The following PPOX variants were observed in gnomAD, a reference collection of about 807,000 sequenced individuals.
The protein encoded by PPOX is variegate porphyria.
In PPOX, 23 loss-of-function variants were observed where a neutral mutation model predicts 54.1. The ratio of observed to expected loss-of-function variants is 0.43; its 90% confidence interval spans 0.31 to 0.60. The LOEUF (loss-of-function observed/expected upper bound fraction) is 0.60. PPOX is among the 20% of genes least tolerant of loss of function. PPOX has a pLI of 0.13. For missense variants in PPOX, 512 were observed against 601.1 expected (o/e 0.85, Z 1.55); for synonymous variants, 224 against 236.1 (o/e 0.95, Z 0.47).
At chr1:161,175,732 A>T, downstream of PPOX, 1 of 1,569,656 alleles carries the variant, frequency 6.4e-7, no homozygotes, top group Non-Finnish European at 8.7e-7. Context: ...CTGCCACTCC[A>T]TGCCTCCCTA....
chr1:161,166,377 A>G (rs1484080680), upstream of PPOX: 6 of 1,051,550 alleles, frequency 5.7e-6, no homozygotes, highest in African/African-American at 1.7e-5. Context: ...AGTCCCGCCA[A>G]TCCAGATGTA....
At chr1:161,172,435 C>T, downstream of PPOX, 1 of 968,452 alleles carries the variant, frequency 1.0e-6, no homozygotes, top group East Asian at 2.7e-5. Flanking sequence ...ACTTAGTAGG[C>T]AAAAGAAAAA....
downstream of PPOX, chr1:161,174,094 C>T (rs372321990): frequency 6.0e-5 from 96 of 1,586,876 alleles, no homozygotes; most frequent in Non-Finnish European, 7.1e-5. Context: ...GTAGGTGGCA[C>T]GGAGAAAAGG....
Position 161,167,459 on chromosome 1 carries a change from C to A in PPOX, c.311C>A (p.Ala104Asp). The change falls in exon 4 of 13, where the codon GCC (alanine) becomes GAC (aspartate). Residue 104 changes from alanine (A) to aspartate (D), a missense_variant. Physicochemically the swap from Ala to Asp is moderately radical, Grantham distance 126. Transcript: ENST00000367999. ...AACAGGTTCCTCTACGTGGGCGGTG[C>A]CCTGCATGCCCTACCCACTGGCCTC... ...AQNRFLYVGG[A>D]LHALPTGLRG... is the part of the protein sequence containing the mutation. 3.1e-6 allele frequency: 5 copies of A among 1,612,700 alleles called. No individual in the cohort carries two copies. The highest frequency in any genetic ancestry group is 4.2e-6 in the Non-Finnish European group (5 of 1,179,976).
downstream of PPOX, chr1:161,172,291 A>T (rs770627750): frequency 6.2e-7 from 1 of 1,613,968 alleles, no homozygotes; most frequent in Non-Finnish European, 8.5e-7. Context: ...TGTCCTACAG[A>T]TGTGGGGGGC....
In PPOX at chr1:161,169,934, T is replaced by C; in HGVS notation, c.897T>C (p.Ala299=). 1 of 1,614,210 alleles carries C rather than the reference T, an allele frequency of 6.2e-7. No homozygotes were observed. Reference sequence around the variant, plus strand: ...TCAGTGAGCTGCTCCCTGCTGAGGCTGCCCCTCTGGCTCGTGCCCTGAGTG... The same window carrying C: ...TCAGTGAGCTGCTCCCTGCTGAGGCCGCCCCTCTGGCTCGTGCCCTGAGTG... ...SVLSELLPAE[A]APLARALSAI... The change falls in exon 9 of 13, where the codon GCT becomes GCC. Residue 299 remains alanine (A), a synonymous_variant. Transcript: ENST00000367999.
downstream of PPOX, chr1:161,175,118 G>A (rs202068319): frequency 7.4e-6 from 12 of 1,613,860 alleles, no homozygotes; most frequent in African/African-American, 4.0e-5. Context: ...GTTCGGGAGC[G>A]GGGCTCACAA....
At position 161,169,992 on chromosome 1, in the gene PPOX, C is replaced by T; in HGVS notation, c.955C>T (p.Leu319=). The change falls in exon 9 of 13, where the codon CTG becomes TTG. Residue 319 remains leucine (L), a synonymous_variant. Transcript: ENST00000367999. ...TGCAGTGTCTGTAGCTGTGGTGAATCTGCAGTACCAAGGAGCCCATCTGCC... is the reference window on the plus strand; with the variant it reads ...TGCAGTGTCTGTAGCTGTGGTGAATTTGCAGTACCAAGGAGCCCATCTGCC... ...ITAVSVAVVN[L]QYQGAHLPVQ... The T allele has an allele frequency of 6.2e-7, 1 of 1,614,106 alleles. No individual in the cohort carries two copies. Among genetic ancestry groups the T allele is most frequent in the Non-Finnish European group, 8.5e-7 (1 of 1,180,008 alleles).
intron 6 of PPOX, 37 bp downstream of exon 6, chr1:161,168,613 G>A: frequency 6.2e-7 from 1 of 1,608,042 alleles, no homozygotes; most frequent in Non-Finnish European, 8.5e-7. Flanking sequence ...AAAATATTAA[G>A]TACTGCCAAA....
chr1:161,175,162 C>T (rs200438776), downstream of PPOX: 6 of 1,613,746 alleles, frequency 3.7e-6, no homozygotes, highest in Admixed American at 1.7e-5. Flanking sequence ...TGGTTCTACC[C>T]GGGGATTCCG....
Position 161,167,088 on chromosome 1 carries a change from T to C in PPOX, c.88-12T>C. 1.2e-6 allele frequency: 2 copies of C among 1,614,140 alleles called. No individual in the cohort carries two copies. The highest frequency in any genetic ancestry group is 1.1e-5 in the South Asian group (1 of 91,084). ...CAGGCGGTGCTGCAGTGTCTCTCCCTCTTGTCGCCAGGTGGTCCTAGTGGA... is the reference window on the plus strand; with the variant it reads ...CAGGCGGTGCTGCAGTGTCTCTCCCCCTTGTCGCCAGGTGGTCCTAGTGGA... On this transcript the variant is annotated splice_polypyrimidine_tract_variant and intron_variant, in intron 2 of 12. Transcript: ENST00000367999.
At chr1:161,176,091 G>T, downstream of PPOX, 1 of 1,610,820 alleles carries the variant, frequency 6.2e-7, no homozygotes, top group Non-Finnish European at 8.5e-7. Flanking sequence ...AGGGAGAGGG[G>T]AATTCTGGGG....
At chr1:161,168,967 A>G (rs773080444) in intron 6 of PPOX, 26 bp from the exon 7 acceptor site, 11 of 1,612,472 alleles carry the variant, frequency 6.8e-6, no homozygotes, top group Admixed American at 1.7e-5. Context: ...TCCAGCCTCA[A>G]TGATTCTTCT....
rs1286078129 is a variant in PPOX, at chr1:161,166,874, C to T, written c.27C>T (p.Gly9=). The change falls in exon 2 of 13, where the codon GGC becomes GGT. Residue 9 remains glycine, a synonymous_variant. Coordinates refer to ENST00000367999, the MANE Select transcript of PPOX (RefSeq NM_001122764.3). ...TGGGCCGGACCGTGGTCGTGCTGGG[C>T]GGAGGCATCAGCGGCTTGGCCGCCA... The part of the protein sequence containing the change: MGRTVVVL[G]GGISGLAASY... 1 of 1,613,838 alleles carries T rather than the reference C, an allele frequency of 6.2e-7. No individual in the cohort carries two copies. Among genetic ancestry groups the T allele is most frequent in the Non-Finnish European group, 8.5e-7 (1 of 1,180,036 alleles).
Position 161,166,870 on chromosome 1 carries a change from T to A in PPOX, c.23T>A (p.Leu8Gln), listed in dbSNP as rs1659110959. 6.2e-7 allele frequency: 1 copy of A among 1,613,876 alleles called. No homozygotes were observed. The highest frequency in any genetic ancestry group is 8.5e-7 in the Non-Finnish European group (1 of 1,180,042). Residue 8 changes from leucine (L) to glutamine (Q), a missense_variant, in exon 2 of 13, where the codon CTG becomes CAG. Leu to Gln is a moderately radical substitution (Grantham distance 113). Coordinates refer to ENST00000367999, the MANE Select transcript of PPOX (RefSeq NM_001122764.3). ...CGCATGGGCCGGACCGTGGTCGTGC[T>A]GGGCGGAGGCATCAGCGGCTTGGCC... Reference protein sequence around the residue: MGRTVVVLGGGISGLAAS... With the variant: MGRTVVVQGGGISGLAAS...
chr1:161,167,516 G>C (rs1054091370), intron 4 of PPOX, 30 bp downstream of exon 4: 2 of 1,586,402 alleles, frequency 1.3e-6, no homozygotes, highest in African/African-American at 1.4e-5. Context: ...TCCTTTTACT[G>C]TGCCCTCATC....
downstream of PPOX, chr1:161,174,052 G>A (rs375281010): frequency 2.9e-5 from 46 of 1,612,378 alleles, no homozygotes; most frequent in Non-Finnish European, 6.8e-6. Flanking sequence ...TTTCCAGCCT[G>A]GAAGATAATG....
At position 161,170,493 on chromosome 1, in the gene PPOX, G is replaced by C. The variant is rs374936130; in HGVS notation, c.1072G>C (p.Gly358Arg). The C allele has an allele frequency of 1.2e-6, 2 of 1,614,218 alleles. No homozygotes were observed. The highest frequency in any genetic ancestry group is 1.7e-6 in the Non-Finnish European group (2 of 1,180,034). ...YDSVAFPEQDGSPPGLRVTVM... is the reference protein window; with the variant it reads ...YDSVAFPEQDRSPPGLRVTVM... ...CTCAGTTGCTTTCCCTGAGCAGGAC[G>C]GGAGCCCCCCTGGCCTCAGAGTGAC... The change falls in exon 10 of 13, where the codon GGG becomes CGG. Residue 358 changes from glycine (G) to arginine (R), a missense_variant. Transcript: ENST00000367999.
downstream of PPOX, chr1:161,171,884 G>A (rs1369539144): frequency 3.1e-6 from 5 of 1,614,200 alleles, no homozygotes; most frequent in South Asian, 1.1e-5. Flanking sequence ...GGGGGCCGGC[G>A]TTGCAGCATC....
Sources: gnomAD v4.1 joint callset for allele counts on GRCh38, gnomAD v4.1.1 for gene constraint, MANE v1.5 for transcripts, NCBI Gene and HGNC (gene_info 2026-07-23, HGNC 2026-07-21) for gene names.